Variants in MCU observed in about 807,000 individuals in gnomAD.
MCU encodes the protein mitochondrial calcium uniporter.
A neutral mutation model predicts 45.2 loss-of-function variants in MCU; 12 were observed. The observed-to-expected ratio is 0.27, with a 90% confidence interval of 0.17 to 0.43. The LOEUF (loss-of-function observed/expected upper bound fraction) is 0.43. Ranked by LOEUF, MCU falls within the 20% of genes least tolerant of loss-of-function variation. MCU has a pLI of 1.00. For missense variants in MCU, 324 were observed against 436.7 expected, an observed-to-expected ratio of 0.74 and a Z score of 2.30; for synonymous variants, 160 against 165.1, an observed-to-expected ratio of 0.97 and a Z score of 0.24.
At chr10:72,823,651 A>T (rs1039472923) in intron 1 of MCU, among the ~76,000 whole-genome samples, 1 of 152,214 alleles carries the variant, frequency 6.6e-6, no homozygotes, top group Non-Finnish European at 1.5e-5. Flanking sequence ...TGGCTTTGTT[A>T]AGGATATTTT....
chr10:72,827,919 A>T (rs1055676493), intron 1 of MCU, among the ~76,000 whole-genome samples: 4 of 152,128 alleles, frequency 2.6e-5, no homozygotes, highest in African/African-American at 9.7e-5. Flanking sequence ...CACAGACCTT[A>T]TTTAGTATAT....
chr10:72,713,947 TTGTGTGTGTGTGTG>T (rs72292523), intron 1 of MCU, among the ~76,000 whole-genome samples: 21 of 139,104 alleles, frequency 1.5e-4, no homozygotes, highest in East Asian at 6.5e-4. Context: ...CTTTCATCAT[TTGTGTGTGTGTGTG>T]TGTGTGTGTG....
intron 1 of MCU, among the ~76,000 whole-genome samples, chr10:72,801,562 G>T (rs1844341743): frequency 6.6e-6 from 1 of 151,240 alleles, no homozygotes; most frequent in Admixed American, 6.6e-5. Flanking sequence ...AGACTTCTCA[G>T]ATTATTTTTG....
intron 1 of MCU, among the ~76,000 whole-genome samples, chr10:72,781,178 CA>C (rs2132751623): frequency 6.6e-6 from 1 of 152,252 alleles, no homozygotes; most frequent in Admixed American, 6.5e-5. Context: ...TACTGGTAAT[CA>C]GGATAATTCT....
rs765109350 is a variant in MCU at position 72,860,493 on chromosome 10, T to C, written c.462T>C (p.Asn154=). 3 of 1,614,042 alleles carry C rather than the reference T, an allele frequency of 1.9e-6. No homozygotes were observed. The Admixed American group carries it at 5.0e-5, about 27-fold the overall frequency. ...TTGATGACTTTAAGCTGGTCATTAA[T>C]GACTTAACATACCACGTACGACCAC... ...LLLDDFKLVI[N]DLTYHVRPPK... Residue 154 remains asparagine, a synonymous_variant, in exon 4 of 8, where the codon AAT becomes AAC. Transcript: ENST00000373053.
chr10:72,763,202 T>A (rs1234108928), intron 1 of MCU, among the ~76,000 whole-genome samples: 1 of 152,194 alleles, frequency 6.6e-6, no homozygotes, highest in African/African-American at 2.4e-5. Context: ...CTTAGCCACA[T>A]CTGTAAAGTT....
At chr10:72,791,274 C>T (rs1274330472) in intron 1 of MCU, among the ~76,000 whole-genome samples, 1 of 152,190 alleles carries the variant, frequency 6.6e-6, no homozygotes, top group Non-Finnish European at 1.5e-5. Flanking sequence ...AGCTCAGCTG[C>T]TGGCTGGCTC....
chr10:72,814,341 T>G (rs775283378), intron 1 of MCU, among the ~76,000 whole-genome samples: 2 of 152,230 alleles, frequency 1.3e-5, no homozygotes, highest in African/African-American at 2.4e-5. Flanking sequence ...GGCACAGGCT[T>G]CTTCTGAGCA....
At chr10:72,838,013 C>T (rs931882044) in intron 2 of MCU, among the ~76,000 whole-genome samples, 17 of 150,624 alleles carry the variant, frequency 1.1e-4, no homozygotes, top group Non-Finnish European at 1.9e-4. Flanking sequence ...CTCACTACCA[C>T]GCCTGGCTAA....
intron 1 of MCU, among the ~76,000 whole-genome samples, chr10:72,809,814 T>C (rs1181329002): frequency 1.3e-5 from 2 of 152,062 alleles, no homozygotes; most frequent in East Asian, 1.9e-4. Context: ...AAAGGAGACA[T>C]AGAAGTGGTC....
intron 1 of MCU, among the ~76,000 whole-genome samples, chr10:72,704,737 C>T (rs996710409): frequency 1.6e-4 from 18 of 110,132 alleles, no homozygotes; most frequent in African/African-American, 6.0e-4. Flanking sequence ...TTTTTTGAGA[C>T]GGAGTCTCGC....
chr10:72,706,784 C>T (rs899174683), intron 1 of MCU, among the ~76,000 whole-genome samples: 1 of 148,812 alleles, frequency 6.7e-6, no homozygotes, highest in East Asian at 2.0e-4. Context: ...ATCTGCCCGC[C>T]TTGGCCTCCC....
At chr10:72,791,171 T>A (rs1198803775) in intron 1 of MCU, among the ~76,000 whole-genome samples, 1 of 152,194 alleles carries the variant, frequency 6.6e-6, no homozygotes, top group Non-Finnish European at 1.5e-5. Context: ...CCCTGCCTTG[T>A]TCCCAACAAT....
chr10:72,743,167 G>A (rs901026910), intron 1 of MCU, among the ~76,000 whole-genome samples: 2 of 151,998 alleles, frequency 1.3e-5, no homozygotes, highest in South Asian at 4.2e-4. Context: ...CCGGCACTTT[G>A]GGAGGCTGAG....
At chr10:72,720,087 A>AGCT (rs1843001446) in intron 1 of MCU, among the ~76,000 whole-genome samples, 1 of 151,984 alleles carries the variant, frequency 6.6e-6, no homozygotes, top group African/African-American at 2.4e-5. Flanking sequence ...TAGGTTGCCC[A>AGCT]GCTGGTCTTG....
chr10:72,711,955 G>C (rs780814070), intron 1 of MCU, among the ~76,000 whole-genome samples: 1 of 150,432 alleles, frequency 6.6e-6, no homozygotes, highest in Non-Finnish European at 1.5e-5. Flanking sequence ...CTCGTGATCC[G>C]CCTGCCTTGG....
chr10:72,791,456 G>A (rs923807410), intron 1 of MCU, among the ~76,000 whole-genome samples: 1 of 152,080 alleles, frequency 6.6e-6, no homozygotes, highest in Admixed American at 6.5e-5. Flanking sequence ...TGTTTTTTAT[G>A]TCAGTCCTTG....
intron 1 of MCU, among the ~76,000 whole-genome samples, chr10:72,757,999 G>A (rs1475676971): frequency 2.0e-5 from 3 of 152,184 alleles, no homozygotes; most frequent in Non-Finnish European, 4.4e-5. Context: ...AAGAAAAGCA[G>A]GTTAACACTT....
chr10:72,717,263 C>CT (rs747541997), intron 1 of MCU, among the ~76,000 whole-genome samples: 171 of 141,936 alleles, frequency 1.2e-3, no homozygotes, highest in Middle Eastern at 3.6e-3. Flanking sequence ...GGGATTGCTT[C>CT]TTTTTTTTTT....
Sources: gnomAD v4.1 joint callset for allele counts (sites outside exome capture counted in the v4.1 genomes callset) on GRCh38, gnomAD v4.1.1 for gene constraint, MANE v1.5 for transcripts, NCBI Gene and HGNC (gene_info 2026-07-23, HGNC 2026-07-21) for gene names.